The following USH2A variants were observed in gnomAD, a reference collection of about 807,000 sequenced individuals.
USH2A encodes usherin.
In USH2A, 443 loss-of-function variants were observed where a neutral mutation model predicts 538.9. The ratio of observed to expected loss-of-function variants is 0.82; its 90% CI spans 0.76 to 0.89. The LOEUF is 0.89. Among genes scored for constraint, USH2A ranks in the 40% least tolerant of loss-of-function variants. The probability of loss-of-function intolerance (pLI) is 0.00; values close to 1 mark genes in which losing one functional copy is unlikely to be tolerated. For missense variants in USH2A, 6,633 were observed against 6,324.8 expected (o/e 1.05, Z -1.65); for synonymous variants, 2,413 against 2,273.5 (o/e 1.06, Z -1.75).
intron 13 of USH2A, among the ~76,000 whole-genome samples, chr1:216,242,141 G>T (rs2035950387): frequency 6.6e-6 from 1 of 151,490 alleles, no homozygotes; most frequent in African/African-American, 2.4e-5. Context: ...CACGAAGTCA[G>T]GAGATCGAGA....
chr1:215,691,020 A>G (rs1163967469), intron 61 of USH2A, among the ~76,000 whole-genome samples: 1 of 152,022 alleles, frequency 6.6e-6, no homozygotes, highest in Non-Finnish European at 1.5e-5. Context: ...AGTAGCTGGG[A>G]CTACAGGCAA....
chr1:216,316,759 A>G (rs979643327), intron 9 of USH2A, among the ~76,000 whole-genome samples: 2 of 152,126 alleles, frequency 1.3e-5, no homozygotes, highest in African/African-American at 4.8e-5. Context: ...GCTTTTTTTC[A>G]TACGTTTGTT....
intron 9 of USH2A, among the ~76,000 whole-genome samples, chr1:216,321,332 C>T (rs1043011389): frequency 5.9e-5 from 9 of 151,862 alleles, no homozygotes; most frequent in African/African-American, 9.7e-5. Flanking sequence ...GCTAAAATTC[C>T]ACCTCAACTA....
Position 215,717,412 on chromosome 1 carries a change from G to A in USH2A, c.12066+10618C>T, listed in dbSNP as rs372643857. On this transcript the variant is annotated intron_variant, in intron 61 of 71. Transcript: ENST00000307340. ...TGTGTTTTTTCTGTCAATGGTTTGT[G>A]GTTCCATAGAATGAGTGCTGGGTTT... is the stretch of plus-strand genomic sequence containing the variant. 7.9e-5 allele frequency among the ~76,000 whole-genome samples: 12 copies of A among 152,262 alleles called. No individual in the cohort carries two copies. The South Asian group carries it at 2.5e-3, about 32-fold the overall frequency.
Position 216,198,391 on chromosome 1 carries a change from A to C in USH2A, c.4005T>G (p.Tyr1335Ter), listed in dbSNP as rs2034901738. ...TITGLEPYTKYEFRVLAVNMA... is the reference protein window; with the variant it reads ...TITGLEPYTK ...TATTCACAGCTAAGACTCTGAACTC[A>C]TACTTGGTGTATGGCTCCAAGCCAG... Residue 1335 changes from tyrosine (Y) to a stop codon, truncating the protein, a stop_gained, in exon 18 of 72, where the codon TAT becomes TAG. Coordinates refer to ENST00000307340, the MANE Select transcript of USH2A (RefSeq NM_206933.4). LOFTEE classifies it high-confidence loss of function. 1 of 1,614,074 alleles carries C rather than the reference A, an allele frequency of 6.2e-7. No individual in the cohort carries two copies. Among genetic ancestry groups the C allele is most frequent in the Non-Finnish European group, 8.5e-7 (1 of 1,179,982 alleles).
chr1:215,788,795 C>T (rs1661882291), intron 51 of USH2A, among the ~76,000 whole-genome samples: 1 of 152,146 alleles, frequency 6.6e-6, no homozygotes, highest in South Asian at 2.1e-4. Flanking sequence ...TCAGACCAAA[C>T]TATCAATCCT....
chr1:215,680,399 AGTT>A (rs1260828366), intron 61 of USH2A, 23 bp from the exon 62 acceptor site: 2 of 1,524,420 alleles, frequency 1.3e-6, no homozygotes, highest in South Asian at 2.3e-5. Flanking sequence ...TAACAGGTTA[AGTT>A]GTTGTTTTTT....
At chr1:216,216,509 T>G (rs2035344362) in intron 15 of USH2A, among the ~76,000 whole-genome samples, 1 of 151,994 alleles carries the variant, frequency 6.6e-6, no homozygotes, top group Non-Finnish European at 1.5e-5. Flanking sequence ...CTTGTGGCGT[T>G]TCCTATCATT....
chr1:215,744,880 G>A (rs577441584), intron 58 of USH2A, among the ~76,000 whole-genome samples: 1 of 152,238 alleles, frequency 6.6e-6, no homozygotes, highest in South Asian at 2.1e-4. Context: ...TAAACTATCT[G>A]GTACATTTAT....
chr1:215,798,180 G>A (rs532295302), intron 50 of USH2A, among the ~76,000 whole-genome samples: 1 of 152,302 alleles, frequency 6.6e-6, no homozygotes, highest in East Asian at 1.9e-4. Flanking sequence ...TAACAGATGA[G>A]GAGTTGCTTC....
intron 60 of USH2A, among the ~76,000 whole-genome samples, chr1:215,734,311 C>T (rs1325846200): frequency 6.6e-6 from 1 of 152,174 alleles, no homozygotes; most frequent in African/African-American, 2.4e-5. Flanking sequence ...CAAGCCTGCA[C>T]AGGGCAGCAG....
At chr1:215,666,031 G>A (rs1657592705) in intron 64 of USH2A, among the ~76,000 whole-genome samples, 2 of 152,164 alleles carry the variant, frequency 1.3e-5, no homozygotes, top group African/African-American at 4.8e-5. Flanking sequence ...CATTCTTGTG[G>A]AAAACAAGAA....
chr1:215,632,762 G>A (rs1656324802), intron 70 of USH2A, among the ~76,000 whole-genome samples: 1 of 152,114 alleles, frequency 6.6e-6, no homozygotes, highest in Admixed American at 6.5e-5. Context: ...CAGCAGCAGT[G>A]CACCTTCTAG....
chr1:216,025,175 A>G (rs4388679), intron 32 of USH2A, among the ~76,000 whole-genome samples: 2,064 of 151,984 alleles, frequency 0.014, 48 homozygotes, highest in African/African-American at 0.047. Context: ...AGTAAGTCAC[A>G]TATGAAAGTA....
In USH2A at chr1:215,650,732, G is replaced by T. The variant is rs1164439183; in HGVS notation, c.14203C>A (p.Pro4735Thr). ...WTWCRTGPAP[P>T]EGLRAPTFHV... The stretch of plus-strand genomic sequence containing the variant: ...AACGTGGGGGCTCTGAGACCTTCTG[G>T]TGGGGCTGGCCCGGTTCTGCACCAT... The change falls in exon 65 of 72, where the codon CCA becomes ACA. Residue 4735 changes from proline to threonine, a missense_variant. Physicochemically the swap from Pro to Thr is conservative, Grantham distance 38. Coordinates refer to ENST00000307340, the MANE Select transcript of USH2A (RefSeq NM_206933.4). The T allele has an allele frequency of 6.2e-7, 1 of 1,613,946 alleles. No homozygotes were observed. The highest frequency in any genetic ancestry group is 8.5e-7 in the Non-Finnish European group (1 of 1,179,994).
At position 215,675,187 on chromosome 1, in the gene USH2A, T is replaced by C. The variant is rs140010020; in HGVS notation, c.12724A>G (p.Thr4242Ala). The C allele has an allele frequency of 4.1e-5, 66 of 1,613,940 alleles. No homozygotes were observed. The highest frequency in any genetic ancestry group is 5.0e-5 in the Admixed American group (3 of 59,994). The change falls in exon 63 of 72, where the codon ACT becomes GCT. Residue 4242 changes from threonine (T) to alanine (A), a missense_variant. By Grantham distance (58) the Thr-to-Ala change is moderately conservative (BLOSUM62 0). Transcript: ENST00000307340. ...PWTQCEYKIYTWNSAGHTCSS... is the reference protein window; with the variant it reads ...PWTQCEYKIYAWNSAGHTCSS... Reference sequence around the variant, plus strand: ...CAGGTATGCCCAGCTGAATTCCAAGTGTAGATTTTATATTCACACTGCGTC... The same window carrying C: ...CAGGTATGCCCAGCTGAATTCCAAGCGTAGATTTTATATTCACACTGCGTC...
chr1:215,775,603 AT>A (rs1490894809), intron 55 of USH2A, among the ~76,000 whole-genome samples: 1 of 152,220 alleles, frequency 6.6e-6, no homozygotes, highest in East Asian at 1.9e-4. Flanking sequence ...AAATGTGATA[AT>A]TACTACGAGA....
At chr1:215,953,265 C>T (rs1005451925) in intron 37 of USH2A, among the ~76,000 whole-genome samples, 1 of 152,130 alleles carries the variant, frequency 6.6e-6, no homozygotes, top group Non-Finnish European at 1.5e-5. Flanking sequence ...CAAGTCAATC[C>T]TAAGCCAAAA....
At chr1:216,062,133 AG>A (rs1479868379) in intron 30 of USH2A, among the ~76,000 whole-genome samples, 3 of 152,218 alleles carry the variant, frequency 2.0e-5, no homozygotes, top group Non-Finnish European at 4.4e-5. Flanking sequence ...ATAAGGATAT[AG>A]CCCTCAAATT....
Sources: gnomAD v4.1 joint callset for allele counts (sites outside exome capture counted in the v4.1 genomes callset) on GRCh38, gnomAD v4.1.1 for gene constraint, MANE v1.5 for transcripts, NCBI Gene and HGNC (gene_info 2026-07-23, HGNC 2026-07-21) for gene names.